The following RUVBL1 variants were observed in gnomAD, a reference collection of about 807,000 sequenced individuals.
RUVBL1 encodes ruvB-like 1.
A neutral mutation model predicts 52.4 loss-of-function variants in RUVBL1; 4 were observed. The ratio of observed to expected loss-of-function variants is 0.08; its 90% CI spans 0.04 to 0.17. The LOEUF (loss-of-function observed/expected upper bound fraction) is 0.17, where lower values mean the gene tolerates loss of function less well. RUVBL1 is among the 10% of genes least tolerant of loss of function. The pLI, the probability that RUVBL1 is intolerant of heterozygous loss-of-function variation, is 1.00. For synonymous variants in RUVBL1, 217 were observed against 214.4 expected (o/e 1.01, Z -0.10); for missense variants, 298 against 572.8 (o/e 0.52, Z 4.90).
Position 128,081,478 on chromosome 3 carries a change from C to G in RUVBL1, c.1212-69G>C. 6.7e-7 allele frequency: 1 copy of G among 1,499,732 alleles called. No homozygotes were observed. Among genetic ancestry groups the G allele is most frequent in the Non-Finnish European group, 9.1e-7 (1 of 1,100,632 alleles). 92.9% of individuals were successfully genotyped at this position (1,499,732 alleles called of 1,614,324 possible). ...CGAAGAAAGCACCTTCCCCCCACAT[C>G]AGTAGGCAGCACTGGCACCAGGAGC... On this transcript the variant is annotated intron_variant, in intron 10 of 10. Transcript: ENST00000322623. This position sits in a 1 kb window ranked among gnomAD's most constrained non-coding sequence, Gnocchi z 4.8.
chr3:128,124,063 C>CG (rs1272003085), upstream of RUVBL1, among the ~76,000 whole-genome samples: 2 of 152,160 alleles, frequency 1.3e-5, no homozygotes, highest in African/African-American at 4.8e-5. Context: ...CAGTGGCCCC[C>CG]GGGTACCACT....
At chr3:128,148,011 T>C (rs1425628569) in intron 1 of RUVBL1, among the ~76,000 whole-genome samples, 1 of 152,232 alleles carries the variant, frequency 6.6e-6, no homozygotes, top group Non-Finnish European at 1.5e-5. Context: ...TTACCTACTG[T>C]TTGCTTCCAC....
chr3:128,067,881 T>C lies in RUVBL1; in HGVS notation c.940-2661A>G. 1 of 901,446 alleles carries C rather than the reference T, an allele frequency of 1.1e-6. No homozygotes were observed. The highest frequency in any genetic ancestry group is 2.2e-4 in the Middle Eastern group (1 of 4,524). The allele number at this position is 901,446 out of a possible 1,614,324, so 55.8% of individuals were successfully genotyped here. On this transcript the variant is annotated intron_variant, in intron 9 of 9. Transcript: ENST00000464873. The surrounding 1 kb of genome is among the most constrained non-coding windows in gnomAD (Gnocchi z 4.1). ...TTTAAAGTTCTCTGTATGAATATTG[T>C]CAGTGCTCGAAGAGGCGATCTGTAA... is the stretch of plus-strand genomic sequence containing the variant.
intron 4 of RUVBL1, among the ~76,000 whole-genome samples, 182 bp downstream of exon 4, chr3:128,104,591 T>C (rs963289018): frequency 2.6e-5 from 4 of 152,186 alleles, no homozygotes; most frequent in Non-Finnish European, 5.9e-5. Context: ...TGAGTCCTCC[T>C]ATGTGCAAGC....
chr3:128,118,467 C>T (rs568362413), intron 2 of RUVBL1, among the ~76,000 whole-genome samples: 80 of 152,298 alleles, frequency 5.3e-4, no homozygotes, highest in African/African-American at 1.9e-3. Flanking sequence ...GGTCTCATAG[C>T]AAGTCAATAC....
At position 128,082,563 on chromosome 3, in the gene RUVBL1, G is replaced by T; in HGVS notation, c.1131C>A (p.Ile377=). Reference sequence around the variant, plus strand: ...TGTTGATTCCTTCCGTCTGGGCACGGATTTTAATGATCTTTTAAAGGATAA... The same window carrying T: ...TGTTGATTCCTTCCGTCTGGGCACGTATTTTAATGATCTTTTAAAGGATAA... The part of the protein sequence containing the change: ...TPQEMKQIIK[I]RAQTEGINIS... Residue 377 remains isoleucine (I), a synonymous_variant, in exon 10 of 11, where the codon ATC becomes ATA. Coordinates refer to ENST00000322623, the MANE Select transcript of RUVBL1 (RefSeq NM_003707.3). The surrounding 1 kb of genome is among the most constrained non-coding windows in gnomAD (Gnocchi z 4.7). 7.4e-6 allele frequency: 12 copies of T among 1,612,076 alleles called. No homozygotes were observed. The highest frequency in any genetic ancestry group is 1.0e-5 in the Non-Finnish European group (12 of 1,179,136).
At chr3:128,099,417 T>G (rs1222193175) in intron 6 of RUVBL1, among the ~76,000 whole-genome samples, 1 of 152,250 alleles carries the variant, frequency 6.6e-6, no homozygotes, top group Non-Finnish European at 1.5e-5. Flanking sequence ...TTCCTGTGCC[T>G]TTGGGGACAC....
upstream of RUVBL1, chr3:128,123,855 T>A: frequency 3.7e-6 from 5 of 1,345,602 alleles, no homozygotes; most frequent in Non-Finnish European, 4.8e-6. Flanking sequence ...TTTCCATTGG[T>A]GGAAGCGGGA....
rs1943005040 is a variant in RUVBL1, at chr3:128,097,283, G to GC, written c.1016+16dup. On this transcript the variant is annotated intron_variant, in intron 8 of 10. Coordinates refer to ENST00000322623, the MANE Select transcript of RUVBL1 (RefSeq NM_003707.3). ...GGAAGTTAAAAAAGCCTTGTGGCTG[G>GC]CAGGCAGCCATCCTACCTGATGACA... 2 of 1,608,944 alleles carry GC rather than the reference G, an allele frequency of 1.2e-6. No homozygotes were observed. The highest frequency in any genetic ancestry group is 4.5e-5 in the East Asian group (2 of 44,830).
chr3:128,072,465 G>A (rs1224083104), intron 9 of RUVBL1, among the ~76,000 whole-genome samples: 4 of 152,242 alleles, frequency 2.6e-5, no homozygotes, highest in Non-Finnish European at 4.4e-5. Context: ...TTGGGTCAGA[G>A]CAGGATGGTT....
At chr3:128,152,006 G>A (rs931882201) in intron 1 of RUVBL1, among the ~76,000 whole-genome samples, 1 of 152,206 alleles carries the variant, frequency 6.6e-6, no homozygotes, top group Non-Finnish European at 1.5e-5. Context: ...GGCTGAGACT[G>A]AGCAGTGGCT....
chr3:128,088,479 A>G (rs984503862), intron 8 of RUVBL1, among the ~76,000 whole-genome samples: 1 of 148,872 alleles, frequency 6.7e-6, no homozygotes, highest in Non-Finnish European at 1.5e-5. Flanking sequence ...AATATATAGT[A>G]TATACTAATT....
At chr3:128,112,112 G>C (rs376489411) in intron 3 of RUVBL1, among the ~76,000 whole-genome samples, 1 of 152,232 alleles carries the variant, frequency 6.6e-6, no homozygotes, top group African/African-American at 2.4e-5. Context: ...GACTTGCCCA[G>C]TGCTGTGCCA....
At chr3:128,130,743 C>G (rs1431028471) in intron 1 of RUVBL1, among the ~76,000 whole-genome samples, 1 of 151,880 alleles carries the variant, frequency 6.6e-6, no homozygotes, top group East Asian at 1.9e-4. Context: ...CTCCACCTCT[C>G]GAGTTCATGC....
chr3:128,148,067 A>G (rs758690422), intron 1 of RUVBL1, among the ~76,000 whole-genome samples: 5 of 152,126 alleles, frequency 3.3e-5, no homozygotes, highest in Admixed American at 6.5e-5. Context: ...GACAGAGAAC[A>G]TAGATAACTA....
intron 1 of RUVBL1, among the ~76,000 whole-genome samples, chr3:128,150,913 C>CTATATTATATATAATATATTCTA (rs1944190719): frequency 3.2e-5 from 2 of 62,030 alleles, no homozygotes; most frequent in Non-Finnish European, 5.4e-5. Flanking sequence ...ATATAATATT[C>CTATATTATATATAATATATTCTA]TATATTATAT....
In RUVBL1 at chr3:128,119,400, T is replaced by C; in HGVS notation, c.156A>G (p.Ile52Met). 2 of 1,613,732 alleles carry C rather than the reference T, an allele frequency of 1.2e-6. No homozygotes were observed. The highest frequency in any genetic ancestry group is 2.2e-5 in the East Asian group (1 of 44,888). ...QENAREACGV[I>M]VELIKSKKMA... Reference sequence around the variant, plus strand: ...TTTTCTTGCTTTTGATTAATTCTACTATGACGCCACATGCCTACACACCAC... The same window carrying C: ...TTTTCTTGCTTTTGATTAATTCTACCATGACGCCACATGCCTACACACCAC... Residue 52 changes from isoleucine (I) to methionine (M), a missense_variant, in exon 2 of 11, where the codon ATA (isoleucine) becomes ATG (methionine). Ile to Met is a conservative substitution (Grantham distance 10, BLOSUM62 1). This residue lies in a region of RUVBL1 where 71 missense variants were observed against 125.7 expected (regional missense o/e 0.57). Coordinates refer to ENST00000322623, the MANE Select transcript of RUVBL1 (RefSeq NM_003707.3).
intron 9 of RUVBL1, chr3:128,084,787 G>A (rs1942587863): frequency 6.6e-6 from 1 of 152,230 alleles, no homozygotes; most frequent in Admixed American, 6.5e-5. Context: ...CCTAGCCCCA[G>A]GCTCCAGTAA....
intron 4 of RUVBL1, among the ~76,000 whole-genome samples, chr3:128,102,934 T>G (rs1943137521): frequency 6.6e-6 from 1 of 152,206 alleles, no homozygotes; most frequent in African/African-American, 2.4e-5. Context: ...AGAACTGCTG[T>G]GAGTCTGTGC....
Sources: gnomAD v4.1 joint callset for allele counts (sites outside exome capture counted in the v4.1 genomes callset) on GRCh38, gnomAD v4.1.1 for gene constraint, gnomAD v4.1.1 regional missense constraint, Gnocchi (gnomAD v3.1) non-coding constraint, MANE v1.5 for transcripts, NCBI Gene and HGNC (gene_info 2026-07-23, HGNC 2026-07-21) for gene names.